FOXP2: variants seen among roughly 807,000 people sequenced by gnomAD.
FOXP2 encodes the protein forkhead box P2.
Under a neutral mutation model 115.8 loss-of-function variants are expected in FOXP2, and 12 were observed. The observed-to-expected ratio is 0.10, with a 90% confidence interval of 0.07 to 0.17. The LOEUF (loss-of-function observed/expected upper bound fraction) is 0.17, where lower values mean the gene tolerates loss of function less well. Ranked by LOEUF, FOXP2 falls within the 10% of genes least tolerant of loss-of-function variation. The probability of loss-of-function intolerance (pLI) is 1.00; values close to 1 mark genes in which losing one functional copy is unlikely to be tolerated. For missense variants in FOXP2, 629 were observed against 843.5 expected (o/e 0.75, Z 3.15); for synonymous variants, 328 against 297.7 (o/e 1.10, Z -1.05).
chr7:114,100,561 A>G (rs1799755712), intron 1 of FOXP2, among the ~76,000 whole-genome samples: 1 of 152,176 alleles, frequency 6.6e-6, no homozygotes, highest in South Asian at 2.1e-4. Flanking sequence ...GTTATCCAGC[A>G]TGTAAAGATT....
chr7:114,132,191 TTTATC>T (rs1326957726), intron 1 of FOXP2, among the ~76,000 whole-genome samples: 3 of 152,232 alleles, frequency 2.0e-5, no homozygotes, highest in Admixed American at 1.3e-4. Context: ...AAACTGATAC[TTTATC>T]TTATTTTAGT....
intron 1 of FOXP2, among the ~76,000 whole-genome samples, chr7:114,223,017 CTTTTG>C (rs1362754915): frequency 1.3e-5 from 2 of 152,066 alleles, no homozygotes; most frequent in East Asian, 1.9e-4. Flanking sequence ...TGTTGATAGA[CTTTTG>C]TTTGTTTGTT....
chr7:114,472,549 T>C (rs1335849209), intron 2 of FOXP2, among the ~76,000 whole-genome samples: 3 of 152,102 alleles, frequency 2.0e-5, no homozygotes, highest in Admixed American at 6.5e-5. Flanking sequence ...GGTTTCATCA[T>C]GTTAGCCAGG....
At chr7:114,466,728 G>T (rs1795813702) in intron 2 of FOXP2, among the ~76,000 whole-genome samples, 1 of 152,070 alleles carries the variant, frequency 6.6e-6, no homozygotes, top group African/African-American at 2.4e-5. Context: ...CCATATTTTA[G>T]GAATCGTTGC....
At chr7:114,538,932 GT>G (rs1179189623) in intron 3 of FOXP2, among the ~76,000 whole-genome samples, 3 of 151,750 alleles carry the variant, frequency 2.0e-5, no homozygotes, top group African/African-American at 7.3e-5. Context: ...AGGAAGCTTT[GT>G]TTTGTTTCAT....
intron 1 of FOXP2, among the ~76,000 whole-genome samples, chr7:114,153,994 T>G (rs539322899): frequency 3.3e-5 from 5 of 152,230 alleles, no homozygotes; most frequent in African/African-American, 1.2e-4. Flanking sequence ...CAGTGAACAA[T>G]TGTATTTGTA....
chr7:114,332,403 A>C (rs1018587077), intron 2 of FOXP2, among the ~76,000 whole-genome samples: 1 of 152,172 alleles, frequency 6.6e-6, no homozygotes, highest in African/African-American at 2.4e-5. Flanking sequence ...TTGTTGCTGC[A>C]TGAGGAGGGT....
intron 1 of FOXP2, among the ~76,000 whole-genome samples, chr7:114,171,028 A>G (rs1793122624): frequency 6.6e-6 from 1 of 152,224 alleles, no homozygotes; most frequent in African/African-American, 2.4e-5. Flanking sequence ...TTCAAAGGAC[A>G]GGCTGACTCT....
At chr7:114,512,105 A>G (rs1352358763) in intron 2 of FOXP2, among the ~76,000 whole-genome samples, 1 of 152,142 alleles carries the variant, frequency 6.6e-6, no homozygotes, top group Admixed American at 6.6e-5. Context: ...TTGTTAATAT[A>G]GTTAGTTATT....
chr7:114,439,735 A>ATG lies in FOXP2; in HGVS notation c.168+13072_168+13073dup, dbSNP rs3997244. Among the ~76,000 whole-genome samples the ATG allele has an allele frequency of 5.1e-3, 762 of 149,784 alleles. 4 individuals carry two copies. The highest frequency in any genetic ancestry group is 7.2e-3 in the Non-Finnish European group (483 of 67,212). On this transcript the variant is annotated intron_variant, in intron 2 of 16. Coordinates refer to ENST00000350908, the MANE Select transcript of FOXP2 (RefSeq NM_014491.4). ...CCTAATTTTTTTTGTGTGTATATAG[A>ATG]TGTGTGTGTGTGTGTGTATGTGGAG...
intron 2 of FOXP2, among the ~76,000 whole-genome samples, chr7:114,316,292 C>T (rs1364755821): frequency 2.6e-5 from 4 of 152,074 alleles, no homozygotes; most frequent in African/African-American, 7.2e-5. Flanking sequence ...GTATAATTAT[C>T]GAAAATGTTT....
intron 1 of FOXP2, among the ~76,000 whole-genome samples, chr7:114,228,158 A>C (rs1246203803): frequency 6.6e-6 from 1 of 152,040 alleles, no homozygotes; most frequent in Non-Finnish European, 1.5e-5. Context: ...ATCAAATTAG[A>C]GGGTAAACTT....
intron 2 of FOXP2, among the ~76,000 whole-genome samples, 154 bp from the exon 3 acceptor site, chr7:114,534,463 A>AT (rs1475972476): frequency 6.6e-6 from 1 of 151,802 alleles, no homozygotes; most frequent in Non-Finnish European, 1.5e-5. Context: ...GTGTTTGGCA[A>AT]TTTTTTTCAT....
chr7:114,690,240 G>C lies in FOXP2; in HGVS notation c.*314G>C, dbSNP rs182146096. The C allele has an allele frequency of 1.3e-5, 6 of 473,086 alleles. No individual in the cohort carries two copies. Among genetic ancestry groups the C allele is most frequent in the South Asian group, 6.2e-5 (4 of 64,618 alleles). 29.3% of individuals were successfully genotyped at this position (473,086 alleles called of 1,614,324 possible). A position where few individuals can be genotyped will look rare whatever the true frequency, so the allele number is the denominator to read the frequency against. On this transcript the variant is annotated 3_prime_UTR_variant, in exon 17 of 17. Coordinates refer to ENST00000350908, the MANE Select transcript of FOXP2 (RefSeq NM_014491.4). ...CCATTTAAAAAATGTGGCTCTTAAGGGTTCATGAAATGACTGAATATGAGG... is the reference window on the plus strand; with the variant it reads ...CCATTTAAAAAATGTGGCTCTTAAGCGTTCATGAAATGACTGAATATGAGG...
At chr7:114,417,575 A>C (rs959169150) in intron 1 of FOXP2, among the ~76,000 whole-genome samples, 4 of 151,958 alleles carry the variant, frequency 2.6e-5, no homozygotes, top group African/African-American at 9.7e-5. Flanking sequence ...TCTCATTTGC[A>C]TATGCTTAAA....
intron 16 of FOXP2, among the ~76,000 whole-genome samples, chr7:114,679,114 G>C (rs1807936646): frequency 6.6e-6 from 1 of 152,014 alleles, no homozygotes; most frequent in African/African-American, 2.4e-5. Flanking sequence ...ATAGGCACCC[G>C]CCACCATGCC....
chr7:114,580,871 A>AT (rs2129301462), intron 3 of FOXP2, among the ~76,000 whole-genome samples: 1 of 152,172 alleles, frequency 6.6e-6, no homozygotes, highest in South Asian at 2.1e-4. Context: ...GAGATGATGC[A>AT]TTTTTGGAAG....
At chr7:114,546,168 A>G (rs1304652369) in intron 3 of FOXP2, among the ~76,000 whole-genome samples, 1 of 152,034 alleles carries the variant, frequency 6.6e-6, no homozygotes, top group East Asian at 1.9e-4. Context: ...GGGCATCTCA[A>G]CCTAGATCAA....
At chr7:114,658,000 C>G in intron 10 of FOXP2, 66 bp from the exon 11 acceptor site, 1 of 1,581,952 alleles carries the variant, frequency 6.3e-7, no homozygotes. Flanking sequence ...TCTCATTTGT[C>G]AAACCTTTTT....
Sources: allele counts gnomAD v4.1 joint callset (sites outside exome capture counted in the v4.1 genomes callset), GRCh38; gene constraint gnomAD v4.1.1; transcripts MANE v1.5; gene names NCBI Gene and HGNC (gene_info 2026-07-23, HGNC 2026-07-21).